YIF1B: variants seen among roughly 807,000 people sequenced by gnomAD.
YIF1B encodes the protein protein YIF1B.
In YIF1B, 24 loss-of-function variants were observed where a neutral mutation model predicts 34.6. The ratio of observed to expected loss-of-function variants is 0.69; its 90% CI spans 0.50 to 0.98. The LOEUF is 0.98. Ranked by LOEUF, YIF1B falls within the 50% of genes least tolerant of loss-of-function variation. The pLI is 0.00. For synonymous variants in YIF1B, 186 were observed against 184.8 expected (o/e 1.01, Z -0.05); for missense variants, 368 against 429.4 (o/e 0.86, Z 1.26).
At chr19:38,315,605 A>G in intron 1 of YIF1B, 2 of 1,523,514 alleles carry the variant, frequency 1.3e-6, no homozygotes, top group Non-Finnish European at 1.8e-6. Context: ...GCGGATCGCT[A>G]ACTGCAAATG....
rs896159692 is a variant in YIF1B, at chr19:38,305,055, C to A, written c.*297G>T. The A allele has an allele frequency of 1.3e-6, 2 of 1,534,352 alleles. No homozygotes were observed. The highest frequency in any genetic ancestry group is 2.0e-5 in the Admixed American group (1 of 49,166). On this transcript the variant is annotated 3_prime_UTR_variant, in exon 8 of 8. Coordinates refer to ENST00000339413, the MANE Select transcript of YIF1B (RefSeq NM_001039672.3). Reference sequence around the variant, plus strand: ...ACTCTGGCCCGTCCCCAGCTCCCTGCCCCCTGCCCAGCGCTGGGCCCGCCC... The same window carrying A: ...ACTCTGGCCCGTCCCCAGCTCCCTGACCCCTGCCCAGCGCTGGGCCCGCCC...
intron 7 of YIF1B, chr19:38,306,599 C>G (rs1046404141): frequency 5.1e-6 from 1 of 197,842 alleles, no homozygotes; most frequent in African/African-American, 2.4e-5. Flanking sequence ...CTGCTTCTCA[C>G]ATGCTCACAG....
chr19:38,304,956 C>A lies in YIF1B; in HGVS notation c.*396G>T. 6.6e-7 allele frequency: 1 copy of A among 1,522,258 alleles called. No individual in the cohort carries two copies. The highest frequency in any genetic ancestry group is 8.8e-7 in the Non-Finnish European group (1 of 1,132,110). 94.3% of individuals were successfully genotyped at this position (1,522,258 alleles called of 1,614,324 possible). ...GGAGAAGGGCAAGAAGAAGGAGGCTCCCCACTGAAGGGCCCTGGACAGGGC... is the reference window on the plus strand; with the variant it reads ...GGAGAAGGGCAAGAAGAAGGAGGCTACCCACTGAAGGGCCCTGGACAGGGC... On this transcript the variant is annotated 3_prime_UTR_variant, in exon 8 of 8. Transcript: ENST00000339413.
At position 38,304,992 on chromosome 19, in the gene YIF1B, T is replaced by C. The variant is rs1968938966; in HGVS notation, c.*360A>G. The C allele has an allele frequency of 1.3e-6, 2 of 1,573,242 alleles. No homozygotes were observed. The highest frequency in any genetic ancestry group is 1.9e-5 in the Admixed American group (1 of 53,080). On this transcript the variant is annotated 3_prime_UTR_variant, in exon 8 of 8. Transcript: ENST00000339413. The stretch of plus-strand genomic sequence containing the variant: ...GGCCCTGGACAGGGCTCATTAAACC[T>C]TCCTCTCTGCCTTCTGCGACTGGTC...
intron 7 of YIF1B, 74 bp from the exon 8 acceptor site, chr19:38,305,581 T>A: frequency 2.0e-6 from 3 of 1,497,426 alleles, no homozygotes; most frequent in Non-Finnish European, 2.7e-6. Context: ...AGCCCGGACA[T>A]ACTTCCAGCC....
chr19:38,311,723 AG>A (rs1969334015), intron 1 of YIF1B, among the ~76,000 whole-genome samples: 1 of 152,128 alleles, frequency 6.6e-6, no homozygotes, highest in Non-Finnish European at 1.5e-5. Flanking sequence ...GGGGTGTAAA[AG>A]AGGAATGGGT....
chr19:38,305,518 A>G lies in YIF1B; in HGVS notation c.790-11T>C. 6.3e-7 allele frequency: 1 copy of G among 1,594,098 alleles called. No individual in the cohort carries two copies. The highest frequency in any genetic ancestry group is 8.6e-7 in the Non-Finnish European group (1 of 1,165,214). On this transcript the variant is annotated splice_polypyrimidine_tract_variant and intron_variant, in intron 7 of 7. Coordinates refer to ENST00000339413, the MANE Select transcript of YIF1B (RefSeq NM_001039672.3). The stretch of plus-strand genomic sequence containing the variant: ...CCGCAGCGTCCGGATCTGGGTGGGA[A>G]AGAGAGAGAGGAACCAAGGGATTTA...
At chr19:38,318,193 C>CAAATAAAAAAA (rs1969604543), upstream of YIF1B, among the ~76,000 whole-genome samples, 1 of 29,874 alleles carries the variant, frequency 3.3e-5, no homozygotes, top group Non-Finnish European at 5.9e-5. Context: ...ACTCTTGTCT[C>CAAATAAAAAAA]AAAAAAAAAA....
intron 1 of YIF1B, among the ~76,000 whole-genome samples, chr19:38,314,953 C>T (rs938859998): frequency 1.3e-5 from 2 of 151,936 alleles, no homozygotes; most frequent in African/African-American, 4.8e-5. Flanking sequence ...GGTAACTTTT[C>T]ATGATCAGAA....
intron 7 of YIF1B, among the ~76,000 whole-genome samples, chr19:38,306,377 A>C (rs1440418041): frequency 6.6e-6 from 1 of 151,848 alleles, no homozygotes; most frequent in African/African-American, 2.4e-5. Flanking sequence ...ATGCCTGGCT[A>C]ATTTTTATAT....
chr19:38,321,678 G>A (rs1005008691), upstream of YIF1B, among the ~76,000 whole-genome samples: 1 of 152,222 alleles, frequency 6.6e-6, no homozygotes, highest in Non-Finnish European at 1.5e-5. Flanking sequence ...TCGCCCTCCC[G>A]GCCAACAATA....
intron 4 of YIF1B, 62 bp downstream of exon 4, chr19:38,308,917 C>A: frequency 6.2e-7 from 1 of 1,613,526 alleles, no homozygotes; most frequent in Non-Finnish European, 8.5e-7. Context: ...CAGGCACCCA[C>A]ACACCCGCTC....
At chr19:38,319,278 G>A (rs984674923), upstream of YIF1B, among the ~76,000 whole-genome samples, 1 of 152,028 alleles carries the variant, frequency 6.6e-6, no homozygotes, top group African/African-American at 2.4e-5. Flanking sequence ...AGTTAGACTG[G>A]GAGCCCCATG....
In YIF1B at chr19:38,307,512, G is replaced by C. The variant is rs752567807; in HGVS notation, c.705C>G (p.Gly235=). The C allele has an allele frequency of 3.1e-6, 5 of 1,613,752 alleles. No individual in the cohort carries two copies. The African/African-American group carries it at 4.0e-5, about 13-fold the overall frequency. Residue 235 remains glycine, a synonymous_variant, in exon 7 of 8, where the codon GGC becomes GGG. Coordinates refer to ENST00000339413, the MANE Select transcript of YIF1B (RefSeq NM_001039672.3). The part of the protein sequence containing the change: ...FLGYKYVGMI[G]GVLMGLLFGK... ...CGAAGAGCAGGCCCATGAGGACCCC[G>C]CCAATCATCCTGGGGGAGGGAGAGG...
At chr19:38,319,961 G>A, upstream of YIF1B, 1 of 1,453,754 alleles carries the variant, frequency 6.9e-7, no homozygotes, top group Non-Finnish European at 9.0e-7. Flanking sequence ...ATGCGGAGGG[G>A]CGCGCTTCTG....
At chr19:38,314,774 C>T (rs975028358) in intron 1 of YIF1B, among the ~76,000 whole-genome samples, 2 of 151,654 alleles carry the variant, frequency 1.3e-5, no homozygotes, top group East Asian at 2.0e-4. Flanking sequence ...CCACCACACC[C>T]GGCTAATTTT....
upstream of YIF1B, chr19:38,320,246 T>C (rs748875386): frequency 1.2e-6 from 2 of 1,606,196 alleles, no homozygotes; most frequent in African/African-American, 2.7e-5. Flanking sequence ...GCTCTCTTCT[T>C]CGCCAGCACG....
Position 38,305,343 on chromosome 19 carries a change from C to T in YIF1B, c.*9G>A, listed in dbSNP as rs755327558. 1.3e-6 allele frequency: 2 copies of T among 1,597,470 alleles called. No individual in the cohort carries two copies. The highest frequency in any genetic ancestry group is 1.1e-5 in the South Asian group (1 of 90,390). On this transcript the variant is annotated 3_prime_UTR_variant, in exon 8 of 8. Coordinates refer to ENST00000339413, the MANE Select transcript of YIF1B (RefSeq NM_001039672.3). Reference sequence around the variant, plus strand: ...GCAGCAGCAGCAGCGGGAGGTTCAGCGGGCGCGCTCACCGCACCAGGTGGA... The same window carrying T: ...GCAGCAGCAGCAGCGGGAGGTTCAGTGGGCGCGCTCACCGCACCAGGTGGA...
intron 7 of YIF1B, among the ~76,000 whole-genome samples, chr19:38,305,783 G>A (rs1032045149): frequency 1.3e-5 from 2 of 152,216 alleles, no homozygotes; most frequent in African/African-American, 4.8e-5. Flanking sequence ...GGGTGAAGGG[G>A]GACTTCCCGG....
Sources: allele counts gnomAD v4.1 joint callset (sites outside exome capture counted in the v4.1 genomes callset), GRCh38; gene constraint gnomAD v4.1.1; transcripts MANE v1.5; gene names NCBI Gene and HGNC (gene_info 2026-07-23, HGNC 2026-07-21).